The following ACOX3 variants were observed in gnomAD, a reference collection of about 807,000 sequenced individuals.
The protein encoded by ACOX3 is acyl-CoA oxidase 3, pristanoyl.
A neutral mutation model predicts 81.5 loss-of-function variants in ACOX3; 73 were observed. The observed-to-expected ratio is 0.90, with a 90% CI of 0.74 to 1.09. The LOEUF is 1.09. Among genes scored for constraint, ACOX3 ranks in the 50% least tolerant of loss-of-function variants. The pLI is 0.00. For missense variants in ACOX3, 947 were observed against 928.0 expected (o/e 1.02, Z -0.27); for synonymous variants, 387 against 375.1 (o/e 1.03, Z -0.37).
At position 8,416,147 on chromosome 4, in the gene ACOX3, A is replaced by G. The variant is rs753010492; in HGVS notation, c.145-148T>C. 7.0e-6 allele frequency: 7 copies of G among 996,208 alleles called. No homozygotes were observed. Among genetic ancestry groups the G allele is most frequent in the Admixed American group, 4.7e-5 (2 of 42,802 alleles). The allele number at this position is 996,208 out of a possible 1,614,324, so 61.7% of individuals were successfully genotyped here. Reference sequence around the variant, plus strand: ...GACAGAGATATGACTATCATTCCCAATGGACTAGAGGACTGGAGGCTTAAG... The same window carrying G: ...GACAGAGATATGACTATCATTCCCAGTGGACTAGAGGACTGGAGGCTTAAG... On this transcript the variant is annotated intron_variant, in intron 2 of 17. Transcript: ENST00000356406. The surrounding 1 kb of genome is among the most constrained non-coding windows in gnomAD (Gnocchi z 4.2).
chr4:8,392,517 G>A (rs1350757662), intron 10 of ACOX3, 64 bp from the exon 11 acceptor site: 14 of 1,450,604 alleles, frequency 9.7e-6, no homozygotes, highest in Non-Finnish European at 1.3e-5. Context: ...AAAGTCATAA[G>A]TCAGCAATAG....
At position 8,416,171 on chromosome 4, in the gene ACOX3, A is replaced by G. The variant is rs908067085; in HGVS notation, c.145-172T>C. On this transcript the variant is annotated intron_variant, in intron 2 of 17. Transcript: ENST00000356406. The surrounding 1 kb of genome is among the most constrained non-coding windows in gnomAD (Gnocchi z 4.2). ...AATGGACTAGAGGACTGGAGGCTTA[A>G]GAAACATCAACAATCCGTGTTCATT... is the stretch of plus-strand genomic sequence containing the variant. Among the ~76,000 whole-genome samples, 1 of 152,174 alleles carries G rather than the reference A, an allele frequency of 6.6e-6. No homozygotes were observed. Among genetic ancestry groups the G allele is most frequent in the Admixed American group, 6.5e-5 (1 of 15,280 alleles).
At chr4:8,365,744 G>T (rs1715372450), downstream of ACOX3, among the ~76,000 whole-genome samples, 1 of 144,020 alleles carries the variant, frequency 6.9e-6, no homozygotes, top group Non-Finnish European at 1.5e-5. Flanking sequence ...AGACGGGTGG[G>T]ATGTGGTGGG....
At position 8,423,205 on chromosome 4, in the gene ACOX3, G is replaced by C. The variant is rs903661141; in HGVS notation, c.-14-6670C>G. ...TCTCCCAGCCACTAAGTTGTGACTGGGGAACTTCATTCTTTTCACTTGCCT... is the reference window on the plus strand; with the variant it reads ...TCTCCCAGCCACTAAGTTGTGACTGCGGAACTTCATTCTTTTCACTTGCCT... On this transcript the variant is annotated intron_variant, in intron 1 of 17. Transcript: ENST00000356406. The surrounding 1 kb of genome is among the most constrained non-coding windows in gnomAD (Gnocchi z 4.2). Among the ~76,000 whole-genome samples the C allele has an allele frequency of 1.3e-5, 2 of 152,102 alleles. No homozygotes were observed. Among genetic ancestry groups the C allele is most frequent in the African/African-American group, 4.8e-5 (2 of 41,390 alleles).
At chr4:8,390,792 C>T (rs1197656561) in intron 11 of ACOX3, among the ~76,000 whole-genome samples, 1 of 152,128 alleles carries the variant, frequency 6.6e-6, no homozygotes, top group East Asian at 1.9e-4. Flanking sequence ...CCTATTGCAG[C>T]CATACTGCCA....
intron 14 of ACOX3, among the ~76,000 whole-genome samples, chr4:8,378,777 A>T (rs1717286140): frequency 6.6e-6 from 1 of 152,248 alleles, no homozygotes; most frequent in Non-Finnish European, 1.5e-5. Flanking sequence ...TAAATGGTGG[A>T]TAGCAGTTAC....
chr4:8,426,779 G>A (rs533570630), intron 1 of ACOX3, among the ~76,000 whole-genome samples: 1 of 152,170 alleles, frequency 6.6e-6, no homozygotes, highest in East Asian at 1.9e-4. Flanking sequence ...CAGAATCAAA[G>A]CTGTGAAACT....
intron 1 of ACOX3, among the ~76,000 whole-genome samples, chr4:8,427,952 A>T (rs992857545): frequency 2.6e-5 from 4 of 152,160 alleles, no homozygotes; most frequent in Non-Finnish European, 4.4e-5. Context: ...AAATACAGTG[A>T]CGCCTGCCTA....
In ACOX3 at chr4:8,389,415, G is replaced by GT; in HGVS notation, c.1424-130dup. On this transcript the variant is annotated intron_variant, in intron 12 of 17. Coordinates refer to ENST00000356406, the MANE Select transcript of ACOX3 (RefSeq NM_003501.3). The surrounding 1 kb of genome is among the most constrained non-coding windows in gnomAD (Gnocchi z 5.3). Reference sequence around the variant, plus strand: ...GACGGCCACAGACCCACAGGCGAGGGTCTGGGTCTCAAGGACCCTCCCCAC... The same window carrying GT: ...GACGGCCACAGACCCACAGGCGAGGGTTCTGGGTCTCAAGGACCCTCCCCAC... The GT allele has an allele frequency of 1.2e-5, 15 of 1,261,784 alleles. No homozygotes were observed. The highest frequency in any genetic ancestry group is 1.6e-5 in the Non-Finnish European group (15 of 910,544). 78.2% of individuals were successfully genotyped at this position (1,261,784 alleles called of 1,614,324 possible).
At position 8,384,328 on chromosome 4, in the gene ACOX3, T is replaced by A. The variant is rs1391289832; in HGVS notation, c.1538-2721A>T. 6.6e-6 allele frequency among the ~76,000 whole-genome samples: 1 copy of A among 152,186 alleles called. No individual in the cohort carries two copies. The highest frequency in any genetic ancestry group is 1.9e-4 in the East Asian group (1 of 5,196). ...GGGGAGAAGATCCCCAAAAAGCACA[T>A]GAAAGCAAACAATGAAAGGTGGGTG... is the stretch of plus-strand genomic sequence containing the variant. On this transcript the variant is annotated intron_variant, in intron 13 of 17. Transcript: ENST00000356406. The surrounding 1 kb of genome is among the most constrained non-coding windows in gnomAD (Gnocchi z 5.3).
chr4:8,429,286 GC>G (rs1723802917), intron 1 of ACOX3, among the ~76,000 whole-genome samples: 1 of 152,238 alleles, frequency 6.6e-6, no homozygotes, highest in Non-Finnish European at 1.5e-5. Flanking sequence ...AGTTCTCTCG[GC>G]CCCGAAGAAG....
chr4:8,423,057 A>G lies in ACOX3; in HGVS notation c.-14-6522T>C, dbSNP rs1723116818. Among the ~76,000 whole-genome samples the G allele has an allele frequency of 6.6e-6, 1 of 152,172 alleles. No homozygotes were observed. Among genetic ancestry groups the G allele is most frequent in the Non-Finnish European group, 1.5e-5 (1 of 68,032 alleles). On this transcript the variant is annotated intron_variant, in intron 1 of 17. Coordinates refer to ENST00000356406, the MANE Select transcript of ACOX3 (RefSeq NM_003501.3). The surrounding 1 kb of genome is among the most constrained non-coding windows in gnomAD (Gnocchi z 4.2). ...CAGGTATGCTTGACCATTGGGGGCC[A>G]GAAGGTTAACTGTCTCCTGAACACT... is the stretch of plus-strand genomic sequence containing the variant.
rs527488517 is a variant in ACOX3 at position 8,375,961 on chromosome 4, C to T, written c.1654-809G>A. On this transcript the variant is annotated intron_variant, in intron 14 of 17. Transcript: ENST00000356406. ...TTCACATTTTTGCTATTGTGAATAG[C>T]GCTGCGATGGACATACAGGTACATG... 5.3e-5 allele frequency among the ~76,000 whole-genome samples: 8 copies of T among 152,276 alleles called. No individual in the cohort carries two copies. In the East Asian group the frequency reaches 9.7e-4, roughly 18 times the overall value.
intron 9 of ACOX3, 33 bp downstream of exon 9, chr4:8,396,900 TAGAG>T (rs1433983464): frequency 6.3e-7 from 1 of 1,593,302 alleles, no homozygotes; most frequent in Non-Finnish European, 8.6e-7. Context: ...GCATATAAAA[TAGAG>T]AGACAGTGAA....
At chr4:8,375,806 T>A (rs1011368019) in intron 14 of ACOX3, among the ~76,000 whole-genome samples, 2 of 152,208 alleles carry the variant, frequency 1.3e-5, no homozygotes, top group Non-Finnish European at 2.9e-5. Flanking sequence ...CTGAGGATAA[T>A]GGCGTGCAGC....
chr4:8,390,107 ACAAC>A (rs1478152771), intron 11 of ACOX3, among the ~76,000 whole-genome samples: 47 of 150,372 alleles, frequency 3.1e-4, no homozygotes, highest in South Asian at 4.2e-4. Flanking sequence ...TGTCTCAACA[ACAAC>A]AACAACAAAA....
the ACOX3 span, chr4:8,358,083 G>A: frequency 1.3e-5 from 2 of 152,214 alleles, no homozygotes; most frequent in Admixed American, 6.5e-5. Context: ...CCAATTCAAC[G>A]GGACTCCGGT....
At chr4:8,417,330 C>A (rs1722447148) in intron 1 of ACOX3, among the ~76,000 whole-genome samples, 2 of 152,240 alleles carry the variant, frequency 1.3e-5, no homozygotes. Flanking sequence ...GCCTGCGGTG[C>A]TGGAGCCTGA....
At chr4:8,420,790 C>T (rs1722856086) in intron 1 of ACOX3, among the ~76,000 whole-genome samples, 3 of 152,334 alleles carry the variant, frequency 2.0e-5, no homozygotes, top group Middle Eastern at 3.4e-3. Context: ...CACTGACTTC[C>T]ACCCCTCCGG....
Sources: gnomAD v4.1 joint callset for allele counts (sites outside exome capture counted in the v4.1 genomes callset) on GRCh38, gnomAD v4.1.1 for gene constraint, Gnocchi (gnomAD v3.1) non-coding constraint, MANE v1.5 for transcripts, NCBI Gene and HGNC (gene_info 2026-07-23, HGNC 2026-07-21) for gene names.